Variants in TMEM117 observed in about 807,000 individuals in gnomAD.
TMEM117 encodes transmembrane protein 117.
Under a neutral mutation model 52.4 loss-of-function variants are expected in TMEM117, and 27 were observed. The observed-to-expected ratio is 0.51, with a 90% CI of 0.38 to 0.71. The LOEUF (loss-of-function observed/expected upper bound fraction) is 0.71. Among genes scored for constraint, TMEM117 ranks in the 30% least tolerant of loss-of-function variants. TMEM117 has a pLI of 0.00. For synonymous variants in TMEM117, 215 were observed against 206.3 expected (o/e 1.04, Z -0.36); for missense variants, 556 against 630.5 (o/e 0.88, Z 1.26).
intron 5 of TMEM117, among the ~76,000 whole-genome samples, chr12:44,249,687 A>G (rs879347013): frequency 6.6e-6 from 1 of 152,190 alleles, no homozygotes; most frequent in Non-Finnish European, 1.5e-5. Context: ...AAGTAACACT[A>G]CACATCTACA....
At chr12:44,083,259 A>T (rs1436195277) in intron 3 of TMEM117, among the ~76,000 whole-genome samples, 1 of 152,180 alleles carries the variant, frequency 6.6e-6, no homozygotes, top group Non-Finnish European at 1.5e-5. Context: ...ATGTTCAGTA[A>T]CATAAATAAC....
chr12:44,224,482 T>TA (rs397942626), intron 5 of TMEM117, among the ~76,000 whole-genome samples: 1 of 151,778 alleles, frequency 6.6e-6, no homozygotes, highest in African/African-American at 2.4e-5. Context: ...TTTTTTTTTT[T>TA]AGTTTTTCTT....
chr12:43,909,697 C>T (rs558338477), intron 2 of TMEM117, among the ~76,000 whole-genome samples: 2 of 152,038 alleles, frequency 1.3e-5, no homozygotes, highest in Admixed American at 6.6e-5. Context: ...AAACTACCAT[C>T]GGAGAATACT....
At chr12:44,128,587 G>A (rs1014668336) in intron 3 of TMEM117, among the ~76,000 whole-genome samples, 1 of 152,134 alleles carries the variant, frequency 6.6e-6, no homozygotes, top group African/African-American at 2.4e-5. Flanking sequence ...ATTGCAGATG[G>A]CTGGGAGGCA....
intron 3 of TMEM117, among the ~76,000 whole-genome samples, chr12:43,957,935 A>G (rs1476061355): frequency 6.6e-6 from 1 of 152,202 alleles, no homozygotes; most frequent in Non-Finnish European, 1.5e-5. Flanking sequence ...GAGCCACTTG[A>G]TGGCAGCAAA....
Position 44,251,766 on chromosome 12 carries a change from A to G in TMEM117, c.608+40379A>G, listed in dbSNP as rs1950199406. ...AGAAAATATTTAAAGTCATTTATTT[A>G]CCTCTACATATGTCAAACAAAAATT... On this transcript the variant is annotated intron_variant, in intron 5 of 7. Coordinates refer to ENST00000266534, the MANE Select transcript of TMEM117 (RefSeq NM_032256.3). Among the ~76,000 whole-genome samples the G allele has an allele frequency of 2.0e-5, 3 of 152,336 alleles. No homozygotes were observed. In the South Asian group the frequency reaches 6.2e-4, roughly 32 times the overall value.
At chr12:44,236,171 C>G (rs1565621898) in intron 5 of TMEM117, among the ~76,000 whole-genome samples, 1 of 148,196 alleles carries the variant, frequency 6.7e-6, no homozygotes, top group Admixed American at 6.7e-5. Flanking sequence ...TAGTTTCTAG[C>G]ATATATATAT....
intron 3 of TMEM117, among the ~76,000 whole-genome samples, chr12:44,002,082 A>C (rs963553571): frequency 6.6e-6 from 1 of 152,128 alleles, no homozygotes; most frequent in Non-Finnish European, 1.5e-5. Context: ...GGATATCCTG[A>C]GAGAATAGGT....
intron 3 of TMEM117, among the ~76,000 whole-genome samples, chr12:44,003,628 A>T (rs994421322): frequency 6.6e-6 from 1 of 152,206 alleles, no homozygotes; most frequent in African/African-American, 2.4e-5. Context: ...TGTCCCATGC[A>T]TGAATAATCT....
intron 3 of TMEM117, among the ~76,000 whole-genome samples, chr12:43,983,990 G>A (rs1291670557): frequency 6.6e-6 from 1 of 152,040 alleles, no homozygotes; most frequent in Non-Finnish European, 1.5e-5. Flanking sequence ...GTTTGTTTTT[G>A]TTTTTAAACT....
chr12:44,122,186 AG>A (rs1565837336), intron 3 of TMEM117, among the ~76,000 whole-genome samples: 1 of 151,820 alleles, frequency 6.6e-6, no homozygotes, highest in Admixed American at 6.6e-5. Flanking sequence ...CTGGGATTAC[AG>A]GTGCCCACCA....
At chr12:44,097,307 T>G (rs571023081) in intron 3 of TMEM117, among the ~76,000 whole-genome samples, 1,593 of 151,820 alleles carry the variant, frequency 0.01, 14 homozygotes, top group African/African-American at 0.029. Flanking sequence ...GTCAGTGTGG[T>G]GATTCCTCAG....
chr12:44,065,974 G>A (rs537589740), intron 3 of TMEM117, among the ~76,000 whole-genome samples: 3 of 152,318 alleles, frequency 2.0e-5, no homozygotes, highest in Admixed American at 2.0e-4. Flanking sequence ...AATGATTTGT[G>A]AATCAGGCAG....
At chr12:44,038,195 G>C (rs1385479369) in intron 3 of TMEM117, among the ~76,000 whole-genome samples, 1 of 152,140 alleles carries the variant, frequency 6.6e-6, no homozygotes, top group African/African-American at 2.4e-5. Context: ...TGCTTGCCTT[G>C]TTGCAGGTGA....
chr12:44,303,105 G>A (rs967765404), intron 6 of TMEM117, among the ~76,000 whole-genome samples: 4 of 151,722 alleles, frequency 2.6e-5, no homozygotes, highest in African/African-American at 4.8e-5. Flanking sequence ...GTGCAATGGC[G>A]TGATCTCGGC....
chr12:44,202,843 C>T (rs1262214551), intron 4 of TMEM117, among the ~76,000 whole-genome samples: 2 of 151,334 alleles, frequency 1.3e-5, no homozygotes, highest in African/African-American at 4.9e-5. Context: ...GGCTAGAGTG[C>T]AGTGTCACCA....
intron 3 of TMEM117, among the ~76,000 whole-genome samples, chr12:43,984,085 T>C (rs923946146): frequency 1.3e-5 from 2 of 152,016 alleles, no homozygotes; most frequent in African/African-American, 4.8e-5. Context: ...AAGTATATCA[T>C]GGCTGAATGG....
chr12:44,372,118 C>T (rs1178764877), intron 6 of TMEM117, among the ~76,000 whole-genome samples: 2 of 152,110 alleles, frequency 1.3e-5, no homozygotes, highest in African/African-American at 2.4e-5. Flanking sequence ...TCTGATAGAC[C>T]TCTGCAGTTA....
At chr12:44,019,850 C>T (rs1482628279) in intron 3 of TMEM117, among the ~76,000 whole-genome samples, 1 of 152,092 alleles carries the variant, frequency 6.6e-6, no homozygotes, top group African/African-American at 2.4e-5. Flanking sequence ...AATGAATCCC[C>T]CCAAACTTCT....
Sources: allele counts gnomAD v4.1 joint callset (sites outside exome capture counted in the v4.1 genomes callset), GRCh38; gene constraint gnomAD v4.1.1; transcripts MANE v1.5; gene names NCBI Gene and HGNC (gene_info 2026-07-23, HGNC 2026-07-21).